The following KCNJ18 variants were observed in gnomAD, a reference collection of about 807,000 sequenced individuals.
KCNJ18 encodes the protein potassium inwardly rectifying channel subfamily J member 18, also known as inward rectifier potassium channel 18.
Under a neutral mutation model 17.3 loss-of-function variants are expected in KCNJ18, and 16 were observed. The observed-to-expected ratio is 0.92, with a 90% confidence interval of 0.62 to 1.40. The LOEUF is 1.40. Ranked by LOEUF, KCNJ18 falls within the 40% of genes most tolerant of loss-of-function variation. The pLI, the probability that KCNJ18 is intolerant of heterozygous loss-of-function variation, is 0.00. For missense variants in KCNJ18, 462 were observed against 626.8 expected (o/e 0.74, Z 2.81); for synonymous variants, 185 against 262.6 (o/e 0.70, Z 2.86).
intron 2 of KCNJ18, among the ~76,000 whole-genome samples, chr17:21,700,979 CGGGGAGGGGT>C (rs1199309907): frequency 8.5e-6 from 1 of 117,030 alleles, no homozygotes; most frequent in African/African-American, 3.2e-5. Context: ...TCCCTGTGGG[CGGGGAGGGGT>C]GGGCCTGTCC....
chr17:21,700,489 C>T (rs1320861341), intron 2 of KCNJ18, among the ~76,000 whole-genome samples: 5 of 95,976 alleles, frequency 5.2e-5, no homozygotes, highest in South Asian at 4.9e-4. Context: ...GTGTGCTGCT[C>T]GGACCAGCGG....
intron 1 of KCNJ18, among the ~76,000 whole-genome samples, 168 bp from the exon 2 acceptor site, chr17:21,695,815 G>C (rs1344208632): frequency 6.6e-6 from 1 of 152,300 alleles, no homozygotes; most frequent in Non-Finnish European, 1.5e-5. Flanking sequence ...TTGCTATGCT[G>C]TGAAGGTGTG....
intron 2 of KCNJ18, among the ~76,000 whole-genome samples, chr17:21,698,757 C>G (rs1373108203): frequency 1.3e-5 from 2 of 152,160 alleles, no homozygotes; most frequent in Non-Finnish European, 2.9e-5. Context: ...GCTCCCAGCC[C>G]AGGCCCTGGT....
chr17:21,703,773 C>G lies in KCNJ18; in HGVS notation c.987C>G (p.Pro329=). The change falls in exon 3 of 3, where the codon CCC becomes CCG. Residue 329 remains proline (P), a synonymous_variant. Transcript: ENST00000567955. ...TCCTGTGGGGTCACCGCTTTGAGCC[C>G]GTGCTCTTCGAGGAGAAGAACCAGT... ...NEILWGHRFE[P]VLFEEKNQYK... is the part of the protein sequence containing the mutation. 1 of 1,607,670 alleles carries G rather than the reference C, an allele frequency of 6.2e-7. No individual in the cohort carries two copies. Among genetic ancestry groups the G allele is most frequent in the Admixed American group, 1.7e-5 (1 of 59,422 alleles).
At position 21,703,548 on chromosome 17, in the gene KCNJ18, C is replaced by T. The variant is rs1906051903; in HGVS notation, c.762C>T (p.Gly254=). 4 of 1,610,848 alleles carry T rather than the reference C, an allele frequency of 2.5e-6. No individual in the cohort carries two copies. Among genetic ancestry groups the T allele is most frequent in the Non-Finnish European group, 3.4e-6 (4 of 1,178,758 alleles). The change falls in exon 3 of 3, where the codon GGC becomes GGT. Residue 254 remains glycine, a synonymous_variant. Transcript: ENST00000567955. ...TGGACCAGATCGACATCGATGTGGG[C>T]TTCGACAAGGGCCTGGACCGCATCT... is the stretch of plus-strand genomic sequence containing the variant. ...IPLDQIDIDV[G]FDKGLDRIFL... is the part of the protein sequence containing the mutation.
intron 2 of KCNJ18, among the ~76,000 whole-genome samples, chr17:21,699,986 G>A (rs1269720786): frequency 6.6e-6 from 1 of 152,298 alleles, no homozygotes; most frequent in Non-Finnish European, 1.5e-5. Context: ...TCCAGCCCCT[G>A]TCAGCTGGTG....
intron 2 of KCNJ18, among the ~76,000 whole-genome samples, chr17:21,697,581 A>T (rs1242201949): frequency 1.1e-4 from 17 of 152,232 alleles, no homozygotes; most frequent in African/African-American, 4.1e-4. Flanking sequence ...TTTGCCTCCC[A>T]CTCCTGGCTC....
Position 21,702,722 on chromosome 17 carries a change from C to T in KCNJ18, c.-56-9C>T. 3 of 1,516,954 alleles carry T rather than the reference C, an allele frequency of 2.0e-6. No homozygotes were observed. Among genetic ancestry groups the T allele is most frequent in the Non-Finnish European group, 2.7e-6 (3 of 1,129,900 alleles). 94.0% of individuals were successfully genotyped at this position (1,516,954 alleles called of 1,614,324 possible). On this transcript the variant is annotated splice_polypyrimidine_tract_variant and intron_variant, in intron 2 of 2. Coordinates refer to ENST00000567955, the MANE Select transcript of KCNJ18 (RefSeq NM_001194958.2). Reference sequence around the variant, plus strand: ...AGCCCAGCCAGACATGCTGTCCTCTCTGTTCCAGGAGCCGCCCTGCCTGGA... The same window carrying T: ...AGCCCAGCCAGACATGCTGTCCTCTTTGTTCCAGGAGCCGCCCTGCCTGGA...
chr17:21,699,246 G>A (rs1257490225), intron 2 of KCNJ18, among the ~76,000 whole-genome samples: 2 of 152,212 alleles, frequency 1.3e-5, no homozygotes, highest in African/African-American at 2.4e-5. Flanking sequence ...AAAAAGGCCT[G>A]TGTGTCCCTG....
At position 21,703,803 on chromosome 17, in the gene KCNJ18, G is replaced by C. The variant is rs1906064442; in HGVS notation, c.1017G>C (p.Lys339Asn). The change falls in exon 3 of 3, where the codon AAG becomes AAC. Residue 339 changes from lysine to asparagine, a missense_variant. By Grantham distance (94) the Lys-to-Asn change is moderately conservative. Around this residue, in one of 5 missense-constraint regions of KCNJ18, gnomAD observed 20 missense variants for 61.7 expected, o/e 0.32. Coordinates refer to ENST00000567955, the MANE Select transcript of KCNJ18 (RefSeq NM_001194958.2). ...PVLFEEKNQY[K>N]IDYSHFHKTY... ...TCTTCGAGGAGAAGAACCAGTACAAGATTGACTACTCGCACTTCCACAAGA... is the reference window on the plus strand; with the variant it reads ...TCTTCGAGGAGAAGAACCAGTACAACATTGACTACTCGCACTTCCACAAGA... 6.2e-7 allele frequency: 1 copy of C among 1,609,488 alleles called. No homozygotes were observed. Among genetic ancestry groups the C allele is most frequent in the African/African-American group, 1.3e-5 (1 of 74,778 alleles).
intron 1 of KCNJ18, among the ~76,000 whole-genome samples, chr17:21,693,907 C>T (rs1230096629): frequency 2.0e-5 from 3 of 152,276 alleles, no homozygotes; most frequent in East Asian, 1.9e-4. Context: ...GTGGCTTCTG[C>T]TCCCAGAATG....
intron 1 of KCNJ18, among the ~76,000 whole-genome samples, chr17:21,693,955 C>CT (rs1274937827): frequency 2.6e-5 from 4 of 152,086 alleles, no homozygotes; most frequent in Admixed American, 1.3e-4. Context: ...GATTGGGGGA[C>CT]TTGGAGGGTG....
intron 2 of KCNJ18, among the ~76,000 whole-genome samples, chr17:21,700,217 G>T (rs1229141852): frequency 2.0e-5 from 3 of 149,058 alleles, no homozygotes; most frequent in African/African-American, 7.4e-5. Flanking sequence ...GTTGGGGAAG[G>T]ACGGCAGAGT....
At chr17:21,697,910 G>A (rs1401308853) in intron 2 of KCNJ18, among the ~76,000 whole-genome samples, 12 of 152,310 alleles carry the variant, frequency 7.9e-5, no homozygotes, top group Non-Finnish European at 1.5e-4. Context: ...GCCTGGGCGA[G>A]GCTGGAGCAG....
intron 2 of KCNJ18, among the ~76,000 whole-genome samples, chr17:21,701,959 C>G (rs1451761581): frequency 4.6e-5 from 7 of 152,174 alleles, no homozygotes; most frequent in Admixed American, 1.3e-4. Flanking sequence ...AGAAAATGTG[C>G]TACCCTTAGG....
At chr17:21,698,053 G>A (rs1222341584) in intron 2 of KCNJ18, among the ~76,000 whole-genome samples, 14 of 151,798 alleles carry the variant, frequency 9.2e-5, no homozygotes, top group African/African-American at 3.4e-4. Flanking sequence ...GTGGGTTGGA[G>A]TGCTGGTGAG....
intron 2 of KCNJ18, among the ~76,000 whole-genome samples, chr17:21,702,022 T>C (rs1905972907): frequency 6.6e-6 from 1 of 152,250 alleles, no homozygotes; most frequent in African/African-American, 2.4e-5. Flanking sequence ...GCTACGTTAT[T>C]GTTATTGCTG....
intron 1 of KCNJ18, among the ~76,000 whole-genome samples, chr17:21,695,072 C>T (rs1476066445): frequency 1.8e-4 from 27 of 152,340 alleles, no homozygotes; most frequent in Non-Finnish European, 3.4e-4. Flanking sequence ...CCCATCTATC[C>T]CTCCATTCAT....
intron 1 of KCNJ18, among the ~76,000 whole-genome samples, chr17:21,693,558 T>G (rs1382528711): frequency 1.3e-5 from 2 of 152,274 alleles, no homozygotes; most frequent in Non-Finnish European, 2.9e-5. Context: ...TGCAGGTGAC[T>G]TAGCTTCTCT....
Sources: allele counts gnomAD v4.1 joint callset (sites outside exome capture counted in the v4.1 genomes callset), GRCh38; gene constraint gnomAD v4.1.1; regional missense constraint gnomAD v4.1.1; transcripts MANE v1.5; gene names NCBI Gene and HGNC (gene_info 2026-07-23, HGNC 2026-07-21).